Variants in KIF1B observed in about 807,000 individuals in gnomAD.
KIF1B encodes the protein kinesin-like protein KIF1B.
KIF1B carries 76 observed loss-of-function variants against 241.9 expected under a neutral mutation model. The observed-to-expected ratio is 0.31, with a 90% CI of 0.26 to 0.38. The LOEUF is 0.38. Among genes scored for constraint, KIF1B ranks in the 10% least tolerant of loss-of-function variants. The pLI, the probability that KIF1B is intolerant of heterozygous loss-of-function variation, is 1.00. For missense variants in KIF1B, 1,622 were observed against 2,271.4 expected, an observed-to-expected ratio of 0.71 and a Z score of 5.81; for synonymous variants, 750 against 796.7, an observed-to-expected ratio of 0.94 and a Z score of 0.99.
rs751423624 is a variant in KIF1B at position 10,297,077 on chromosome 1, G to A, written c.2042G>A (p.Arg681Lys). 2 of 1,613,722 alleles carry A rather than the reference G, an allele frequency of 1.2e-6. No homozygotes were observed. The highest frequency in any genetic ancestry group is 1.3e-5 in the African/African-American group (1 of 74,912). The change falls in exon 21 of 49, where the codon AGG becomes AAG. Residue 681 changes from arginine (R) to lysine (K), a missense_variant and splice_region_variant. This residue lies in a region of KIF1B where 803 missense variants were observed against 1,112.0 expected (regional missense o/e 0.72). Transcript: ENST00000676179. The stretch of plus-strand genomic sequence containing the variant: ...GATATGAAACAAGAGATGGAGAAAA[G>A]GTAATGCACAGTTACGCAGCCCATA... ...GIDMKQEMEKRLQEMEILYKK... is the reference protein window; with the variant it reads ...GIDMKQEMEKKLQEMEILYKK...
At chr1:10,320,456 A>G (rs911853914) in intron 23 of KIF1B, among the ~76,000 whole-genome samples, 13 of 152,146 alleles carry the variant, frequency 8.5e-5, no homozygotes, top group Admixed American at 1.3e-4. Context: ...ATCCATTACA[A>G]ATATAGAGCT....
chr1:10,254,704 G>A (rs1033847708), intron 2 of KIF1B, among the ~76,000 whole-genome samples: 1 of 151,600 alleles, frequency 6.6e-6, no homozygotes, highest in Non-Finnish European at 1.5e-5. Context: ...GTGAAACCCC[G>A]TCTCTACTAA....
At chr1:10,304,024 C>T in intron 22 of KIF1B, 4 of 1,611,844 alleles carry the variant, frequency 2.5e-6, no homozygotes, top group Non-Finnish European at 3.4e-6. Flanking sequence ...GCAGAATGTA[C>T]CTCATAGGTT....
intron 8 of KIF1B, 81 bp downstream of exon 8, chr1:10,271,660 G>T: frequency 1.1e-6 from 1 of 945,222 alleles, no homozygotes; most frequent in Non-Finnish European, 1.7e-6. Flanking sequence ...TTGAAACACA[G>T]CTACATACAT....
intron 27 of KIF1B, among the ~76,000 whole-genome samples, chr1:10,328,575 G>A (rs554863801): frequency 1.3e-5 from 2 of 152,350 alleles, no homozygotes; most frequent in African/African-American, 2.4e-5. Flanking sequence ...ATGGCTGCCT[G>A]TGTTCTTCAG....
At chr1:10,311,679 G>A (rs1417754851) in intron 22 of KIF1B, among the ~76,000 whole-genome samples, 1 of 151,278 alleles carries the variant, frequency 6.6e-6, no homozygotes, top group Admixed American at 6.6e-5. Context: ...GAATGTCTCT[G>A]GCATTTGACA....
chr1:10,374,731 T>C lies in KIF1B; in HGVS notation c.5097-123T>C. The C allele has an allele frequency of 2.0e-6, 2 of 1,017,042 alleles. No homozygotes were observed. The highest frequency in any genetic ancestry group is 3.0e-6 in the Non-Finnish European group (2 of 655,874). 63.0% of individuals were successfully genotyped at this position (1,017,042 alleles called of 1,614,324 possible). ...TTGGCAGATAAGATTCTAGGCCAAA[T>C]AGGTCATTTGCCTGTTTCATCGAAT... On this transcript the variant is annotated intron_variant, in intron 46 of 48. Coordinates refer to ENST00000676179, the MANE Select transcript of KIF1B (RefSeq NM_001365951.3). This position sits in a 1 kb window ranked among gnomAD's most constrained non-coding sequence, Gnocchi z 4.3.
chr1:10,232,077 C>G (rs570735978), intron 1 of KIF1B, among the ~76,000 whole-genome samples, 173 bp from the exon 2 acceptor site: 3 of 152,066 alleles, frequency 2.0e-5, no homozygotes, highest in Middle Eastern at 6.8e-3. Flanking sequence ...AAGACCCCAT[C>G]TCTTAAAAAA....
intron 37 of KIF1B, among the ~76,000 whole-genome samples, chr1:10,351,507 G>A (rs1024434277): frequency 2.6e-5 from 4 of 152,208 alleles, no homozygotes; most frequent in Non-Finnish European, 5.9e-5. Flanking sequence ...AGGGAACTGA[G>A]GCTCAGAGAG....
chr1:10,246,421 G>A (rs1467398007), intron 2 of KIF1B, among the ~76,000 whole-genome samples: 2 of 152,156 alleles, frequency 1.3e-5, no homozygotes, highest in African/African-American at 4.8e-5. Context: ...TTTTGCCCTT[G>A]TTTCCATGCA....
chr1:10,363,462 C>T (rs1459509822), intron 41 of KIF1B, 118 bp downstream of exon 41: 9 of 831,960 alleles, frequency 1.1e-5, no homozygotes, highest in Non-Finnish European at 1.0e-5. Flanking sequence ...GAGGCCAAGG[C>T]GGGTGGATCA....
rs1569779597 is a variant in KIF1B, at chr1:10,304,827, A to G, written c.2115+7581A>G. On this transcript the variant is annotated intron_variant, in intron 22 of 48. Coordinates refer to ENST00000676179, the MANE Select transcript of KIF1B (RefSeq NM_001365951.3). Reference sequence around the variant, plus strand: ...TTCAACACCTCCCTTTTGCTTGTATACCATAAATGGGCAGTTTCTGAAATT... The same window carrying G: ...TTCAACACCTCCCTTTTGCTTGTATGCCATAAATGGGCAGTTTCTGAAATT... The G allele has an allele frequency of 9.7e-6, 14 of 1,444,974 alleles. No individual in the cohort carries two copies. The East Asian group carries it at 2.0e-4, about 21-fold the overall frequency. 89.5% of individuals were successfully genotyped at this position (1,444,974 alleles called of 1,614,324 possible). A position where few individuals can be genotyped will look rare whatever the true frequency, so the allele number is the denominator to read the frequency against.
intron 15 of KIF1B, among the ~76,000 whole-genome samples, chr1:10,289,422 C>T (rs779365493): frequency 1.2e-4 from 19 of 152,328 alleles, no homozygotes; most frequent in South Asian, 8.3e-4. Context: ...TTCTGCTCTT[C>T]TTTGATCTCT....
intron 22 of KIF1B, 78 bp downstream of exon 22, chr1:10,297,324 C>A: frequency 7.8e-7 from 1 of 1,273,982 alleles, no homozygotes; most frequent in Non-Finnish European, 1.1e-6. Context: ...CAGAGCAGTA[C>A]TCACCCAAAT....
At chr1:10,215,164 ATATATATATTTTT>A (rs1452325513) in intron 1 of KIF1B, among the ~76,000 whole-genome samples, 152 of 70,864 alleles carry the variant, frequency 2.1e-3, no homozygotes, top group South Asian at 3.4e-3. Context: ...ATATATATAT[ATATATATATTTTT>A]TTTTTTTTTT....
At chr1:10,274,915 TA>T in intron 10 of KIF1B, 1 of 397,086 alleles carries the variant, frequency 2.5e-6, no homozygotes, top group South Asian at 1.8e-5. Context: ...TCCTTCACAG[TA>T]AGAAAAAGGA....
intron 1 of KIF1B, among the ~76,000 whole-genome samples, chr1:10,220,037 T>C (rs1646820348): frequency 1.3e-5 from 2 of 151,710 alleles, no homozygotes; most frequent in Admixed American, 1.3e-4. Context: ...ACTCCGTCTC[T>C]ACTAAAAATA....
At chr1:10,276,218 A>T in intron 11 of KIF1B, 103 bp from the exon 12 acceptor site, 2 of 827,984 alleles carry the variant, frequency 2.4e-6, no homozygotes, top group South Asian at 1.4e-5. Flanking sequence ...TTGACATTAC[A>T]TTAAATCTTA....
intron 22 of KIF1B, chr1:10,307,125 C>G (rs1650868990): frequency 9.7e-7 from 1 of 1,030,864 alleles, no homozygotes; most frequent in Non-Finnish European, 1.2e-6. Context: ...CACAGATGAC[C>G]AGGAAGAAAT....
Sources: allele counts gnomAD v4.1 joint callset (sites outside exome capture counted in the v4.1 genomes callset), GRCh38; gene constraint gnomAD v4.1.1; regional missense constraint gnomAD v4.1.1; non-coding constraint Gnocchi (gnomAD v3.1); transcripts MANE v1.5; gene names NCBI Gene and HGNC (gene_info 2026-07-23, HGNC 2026-07-21).